GLCCI1: variants seen among roughly 807,000 people sequenced by gnomAD.
GLCCI1 encodes glucocorticoid-induced transcript 1 protein.
In GLCCI1, 24 loss-of-function variants were observed where a neutral mutation model predicts 52.2. That is an observed-to-expected ratio of 0.46 (90% confidence interval 0.33 to 0.65). The LOEUF (loss-of-function observed/expected upper bound fraction) is 0.65. Ranked by LOEUF, GLCCI1 falls within the 30% of genes least tolerant of loss-of-function variation. The pLI is 0.02. For missense variants in GLCCI1, 704 were observed against 701.5 expected (o/e 1.00, Z -0.04); for synonymous variants, 310 against 276.5 (o/e 1.12, Z -1.20).
At chr7:8,052,749 G>T (rs1782286712) in intron 3 of GLCCI1, among the ~76,000 whole-genome samples, 1 of 152,206 alleles carries the variant, frequency 6.6e-6, no homozygotes, top group African/African-American at 2.4e-5. Flanking sequence ...ATGAACTGAG[G>T]ACACCAGGTC....
At chr7:8,072,040 A>ATG (rs1782773984) in intron 6 of GLCCI1, among the ~76,000 whole-genome samples, 1 of 152,178 alleles carries the variant, frequency 6.6e-6, no homozygotes, top group Admixed American at 6.5e-5. Flanking sequence ...ATTTTTACAT[A>ATG]TGTGTGTGCT....
At chr7:8,071,461 A>G (rs1782760468) in intron 6 of GLCCI1, among the ~76,000 whole-genome samples, 1 of 152,194 alleles carries the variant, frequency 6.6e-6, no homozygotes, top group South Asian at 2.1e-4. Context: ...AGTTAGCTTT[A>G]CCATGGTAAA....
intron 3 of GLCCI1, among the ~76,000 whole-genome samples, chr7:8,025,065 A>G (rs1781584330): frequency 6.6e-6 from 1 of 152,220 alleles, no homozygotes; most frequent in African/African-American, 2.4e-5. Flanking sequence ...CTCATGAACT[A>G]GTTGAGTTTA....
intron 1 of GLCCI1, chr7:7,980,921 A>G (rs754504510): frequency 2.6e-4 from 158 of 602,568 alleles, no homozygotes; most frequent in Middle Eastern, 4.3e-4. Context: ...TTAATCCCTG[A>G]TCAATCACCA....
intron 5 of GLCCI1, among the ~76,000 whole-genome samples, chr7:8,061,959 G>A (rs556593488): frequency 1.2e-4 from 18 of 152,020 alleles, no homozygotes; most frequent in East Asian, 3.9e-4. Context: ...GAGCCACTGC[G>A]CCCAGCCCAT....
chr7:7,969,999 C>A lies in GLCCI1; in HGVS notation c.457+192C>A. 1 of 596,874 alleles carries A rather than the reference C, an allele frequency of 1.7e-6. No individual in the cohort carries two copies. Among genetic ancestry groups the A allele is most frequent in the Non-Finnish European group, 2.2e-6 (1 of 444,950 alleles). 37.0% of individuals were successfully genotyped at this position (596,874 alleles called of 1,614,324 possible). On this transcript the variant is annotated intron_variant, in intron 1 of 7. Transcript: ENST00000223145. The surrounding 1 kb of genome is among the most constrained non-coding windows in gnomAD (Gnocchi z 4.9). ...AACTGAAAAGCGACTTTTATTTGAC[C>A]CTCATGCCGCCCCTCAGAGTCTCTC...
At chr7:8,069,289 C>T (rs1782701103) in intron 5 of GLCCI1, among the ~76,000 whole-genome samples, 1 of 152,132 alleles carries the variant, frequency 6.6e-6, no homozygotes, top group Non-Finnish European at 1.5e-5. Flanking sequence ...GTTGTGGGCT[C>T]AAGCTGGGGG....
At chr7:8,080,130 A>G (rs527294065) in intron 6 of GLCCI1, among the ~76,000 whole-genome samples, 1 of 151,748 alleles carries the variant, frequency 6.6e-6, no homozygotes, top group Admixed American at 6.5e-5. Context: ...GTTCATTGCC[A>G]AGAAATGATA....
At chr7:8,064,310 C>T (rs908807056) in intron 5 of GLCCI1, among the ~76,000 whole-genome samples, 3 of 152,122 alleles carry the variant, frequency 2.0e-5, no homozygotes, top group African/African-American at 4.8e-5. Flanking sequence ...CAGTTTCAGT[C>T]TTCTGCATAT....
intron 3 of GLCCI1, among the ~76,000 whole-genome samples, chr7:8,045,768 C>T (rs576275673): frequency 6.6e-6 from 1 of 152,264 alleles, no homozygotes; most frequent in South Asian, 2.1e-4. Flanking sequence ...GTTAGACCTA[C>T]TCTGGAGCTG....
At chr7:8,007,949 T>C (rs1781189589) in intron 2 of GLCCI1, among the ~76,000 whole-genome samples, 1 of 152,194 alleles carries the variant, frequency 6.6e-6, no homozygotes, top group Non-Finnish European at 1.5e-5. Context: ...AAAATGTTAA[T>C]TAAAAAAGTA....
intron 3 of GLCCI1, among the ~76,000 whole-genome samples, chr7:8,027,290 C>T (rs771674932): frequency 6.6e-6 from 1 of 152,194 alleles, no homozygotes; most frequent in Non-Finnish European, 1.5e-5. Context: ...GAGTTTGAGA[C>T]CAGCCTGGCC....
intron 6 of GLCCI1, chr7:8,078,704 TGAA>T (rs1413574043): frequency 1.3e-5 from 2 of 152,002 alleles, no homozygotes; most frequent in Non-Finnish European, 2.9e-5. Context: ...GGAAAGGGGC[TGAA>T]GAAGAGTCAA....
At chr7:8,022,622 C>G in intron 3 of GLCCI1, 53 bp downstream of exon 3, 1 of 1,108,354 alleles carries the variant, frequency 9.0e-7, no homozygotes, top group Non-Finnish European at 1.3e-6. Context: ...AGTAGATTAC[C>G]TTAGTATTTC....
intron 1 of GLCCI1, among the ~76,000 whole-genome samples, chr7:8,000,075 T>C (rs1223846016): frequency 6.6e-6 from 1 of 152,232 alleles, no homozygotes; most frequent in Non-Finnish European, 1.5e-5. Context: ...AGAATGGCGT[T>C]TCCTTATCTG....
At chr7:7,988,352 G>A (rs867030077) in intron 1 of GLCCI1, among the ~76,000 whole-genome samples, 136 of 152,232 alleles carry the variant, frequency 8.9e-4, no homozygotes, top group African/African-American at 3.2e-3. Context: ...AGTATCATCA[G>A]TGTGAAATTA....
At chr7:8,059,679 C>T (rs1405491123) in intron 4 of GLCCI1, among the ~76,000 whole-genome samples, 1 of 152,292 alleles carries the variant, frequency 6.6e-6, no homozygotes, top group East Asian at 1.9e-4. Context: ...ACGTAATTGT[C>T]ACCATACAGA....
chr7:8,027,731 C>T (rs1463166816), intron 3 of GLCCI1, among the ~76,000 whole-genome samples: 3 of 150,120 alleles, frequency 2.0e-5, no homozygotes, highest in Non-Finnish European at 3.0e-5. Context: ...AAGAAACACA[C>T]TTCACCTATA....
chr7:8,020,552 G>C (rs1448744628), intron 2 of GLCCI1, among the ~76,000 whole-genome samples: 1 of 152,170 alleles, frequency 6.6e-6, no homozygotes, highest in South Asian at 2.1e-4. Flanking sequence ...TGAAGCAGTT[G>C]CAGAATTTTT....
Sources: allele counts gnomAD v4.1 joint callset (sites outside exome capture counted in the v4.1 genomes callset), GRCh38; gene constraint gnomAD v4.1.1; non-coding constraint Gnocchi (gnomAD v3.1); transcripts MANE v1.5; gene names NCBI Gene and HGNC (gene_info 2026-07-23, HGNC 2026-07-21).